The following SYNJ2 variants were observed in gnomAD, a reference collection of about 807,000 sequenced individuals.
SYNJ2 encodes the protein synaptojanin 2.
In SYNJ2, 116 loss-of-function variants were observed where a neutral mutation model predicts 141.3. The observed-to-expected ratio is 0.82, with a 90% CI of 0.71 to 0.96. The LOEUF is 0.96. Ranked by LOEUF, SYNJ2 falls within the 40% of genes least tolerant of loss-of-function variation. The pLI is 0.00. For missense variants in SYNJ2, 1,873 were observed against 1,934.8 expected (o/e 0.97, Z 0.60); for synonymous variants, 745 against 777.7 (o/e 0.96, Z 0.70).
At chr6:158,074,887 C>T in intron 16 of SYNJ2, 149 bp downstream of exon 16, 1 of 909,128 alleles carries the variant, frequency 1.1e-6, no homozygotes, top group Non-Finnish European at 1.6e-6. Context: ...TGTGAGGTTA[C>T]AGTACAGGAG....
intron 6 of SYNJ2, 105 bp downstream of exon 6, chr6:158,055,133 A>G (rs1045883994): frequency 4.2e-5 from 50 of 1,183,704 alleles, no homozygotes; most frequent in Middle Eastern, 5.5e-4. Context: ...AGGACCCTGA[A>G]CCCTGAATCT....
chr6:158,089,770 C>A, intron 24 of SYNJ2, 69 bp from the exon 25 acceptor site: 3 of 1,172,904 alleles, frequency 2.6e-6, no homozygotes, highest in South Asian at 1.3e-5. Context: ...CCACGGGTAG[C>A]AGATACGTCC....
rs548268520 is a variant in SYNJ2, at chr6:157,985,818, G to A, written c.127+3730G>A. ...GGGCTTTGCTGTGAACAGGCAGCAG[G>A]GAGGGAGGGATGGGGCAGGAGACTT... is the stretch of plus-strand genomic sequence containing the variant. On this transcript the variant is annotated intron_variant, in intron 1 of 26. Transcript: ENST00000355585. Among the ~76,000 whole-genome samples the A allele has an allele frequency of 2.0e-5, 3 of 152,316 alleles. No homozygotes were observed. The East Asian group carries it at 5.8e-4, about 29-fold the overall frequency.
rs976231114 is a variant in SYNJ2, at chr6:158,096,912, T to C, written c.*548T>C. The C allele has an allele frequency of 6.5e-6, 1 of 154,050 alleles. No homozygotes were observed. Among genetic ancestry groups the C allele is most frequent in the African/African-American group, 2.4e-5 (1 of 41,476 alleles). The allele number at this position is 154,050 out of a possible 1,614,324, so 9.5% of individuals were successfully genotyped here. On this transcript the variant is annotated 3_prime_UTR_variant, in exon 27 of 27. Coordinates refer to ENST00000355585, the MANE Select transcript of SYNJ2 (RefSeq NM_003898.4). ...AAATAGGTCAACCTAATGACTAGAC[T>C]GTACATTCCCATGAGCCTTCATGTT...
chr6:158,069,528 TC>T lies in SYNJ2; in HGVS notation c.1800-3del, dbSNP rs780480146. 2 of 1,610,814 alleles carry T rather than the reference TC, an allele frequency of 1.2e-6. No individual in the cohort carries two copies. The highest frequency in any genetic ancestry group is 2.2e-5 in the South Asian group (2 of 90,662). ...TAAACAGCATCCTTTCCTTTTCTCT[TC>T]CAGTACTACCAACAAGAAGATGTGG... On this transcript the variant is annotated splice_polypyrimidine_tract_variant and splice_region_variant and intron_variant, in intron 13 of 26. Transcript: ENST00000355585.
rs779711981 is a variant in SYNJ2 at position 158,064,807 on chromosome 6, C to A, written c.1360-19C>A. The A allele has an allele frequency of 1.9e-6, 3 of 1,608,892 alleles. No homozygotes were observed. The highest frequency in any genetic ancestry group is 1.1e-5 in the South Asian group (1 of 90,872). ...CCCCAGGGACCCCCCTCACGGCCTG[C>A]GGTCTGGGCTCTCGGCAGGTGGGGA... is the stretch of plus-strand genomic sequence containing the variant. On this transcript the variant is annotated intron_variant, in intron 10 of 26. Transcript: ENST00000355585.
At chr6:158,044,764 C>T (rs1780146226) in intron 5 of SYNJ2, among the ~76,000 whole-genome samples, 1 of 152,210 alleles carries the variant, frequency 6.6e-6, no homozygotes, top group African/African-American at 2.4e-5. Flanking sequence ...CTCCCATCCC[C>T]TCCAAGTCTC....
Position 157,993,710 on chromosome 6 carries a change from CTTTTTTTTTTTTT to C in SYNJ2, c.127+11635_127+11647del, listed in dbSNP as rs34971762. Among the ~76,000 whole-genome samples, 5 of 40,552 alleles carry C rather than the reference CTTTTTTTTTTTTT, an allele frequency of 1.2e-4. No homozygotes were observed. The South Asian group carries it at 3.8e-3, about 31-fold the overall frequency. 26.6% of individuals were successfully genotyped at this position (40,552 alleles called of 152,430 possible). ...AAACATAACTTTCATTCTTGCATAG[CTTTTTTTTTTTTT>C]TTTTTTTTTTTTAAGTAACCTGGAC... On this transcript the variant is annotated intron_variant, in intron 1 of 26. Coordinates refer to ENST00000355585, the MANE Select transcript of SYNJ2 (RefSeq NM_003898.4).
intron 23 of SYNJ2, 143 bp downstream of exon 23, chr6:158,087,132 G>A: frequency 1.0e-6 from 1 of 990,070 alleles, no homozygotes; most frequent in Non-Finnish European, 1.5e-6. Context: ...GCTCCGTTTT[G>A]TTGTAAATCC....
In SYNJ2 at chr6:158,043,491, C is replaced by T. The variant is rs2128344855; in HGVS notation, c.795+92C>T. ...TGGGGAAGATTTCTTTTAACACGTT[C>T]GTTTCATGGCATAGTTTCCAGTCTT... On this transcript the variant is annotated intron_variant, in intron 5 of 26. Coordinates refer to ENST00000355585, the MANE Select transcript of SYNJ2 (RefSeq NM_003898.4). The surrounding 1 kb of genome is among the most constrained non-coding windows in gnomAD (Gnocchi z 4.0). The T allele has an allele frequency of 5.7e-6, 5 of 883,712 alleles. No homozygotes were observed. The highest frequency in any genetic ancestry group is 4.5e-5 in the South Asian group (3 of 66,968). 54.7% of individuals were successfully genotyped at this position (883,712 alleles called of 1,614,324 possible).
rs1365433144 is a variant in SYNJ2 at position 158,047,792 on chromosome 6, A to C, written c.795+4393A>C. ...ACTCTGTCAAAAAAAAAAAAAAAAA[A>C]AAAAAAAAAAAAACACACAGTATCT... On this transcript the variant is annotated intron_variant, in intron 5 of 26. Coordinates refer to ENST00000355585, the MANE Select transcript of SYNJ2 (RefSeq NM_003898.4). Among the ~76,000 whole-genome samples, 335 of 149,350 alleles carry C rather than the reference A, an allele frequency of 2.2e-3. 3 individuals carry two copies. The highest frequency in any genetic ancestry group is 8.1e-3 in the African/African-American group (327 of 40,552).
At position 158,040,893 on chromosome 6, in the gene SYNJ2, A is replaced by G. The variant is rs759337867; in HGVS notation, c.712-2423A>G. 3.3e-5 allele frequency among the ~76,000 whole-genome samples: 5 copies of G among 152,074 alleles called. No individual in the cohort carries two copies. ...CTCCGACTTTTCTTCCCGTGGCCCC[A>G]CTGCTCTTCCCGGTCTCCCTCCCAC... is the stretch of plus-strand genomic sequence containing the variant. On this transcript the variant is annotated intron_variant, in intron 4 of 26. Transcript: ENST00000355585. The surrounding 1 kb of genome is among the most constrained non-coding windows in gnomAD (Gnocchi z 4.2).
intron 18 of SYNJ2, among the ~76,000 whole-genome samples, chr6:158,080,815 CT>C (rs1248476135): frequency 6.6e-6 from 1 of 152,216 alleles, no homozygotes; most frequent in African/African-American, 2.4e-5. Context: ...AGGTGCCACA[CT>C]TTATTTTCCC....
chr6:157,996,145 A>T (rs1428388397), intron 1 of SYNJ2, among the ~76,000 whole-genome samples: 1 of 152,068 alleles, frequency 6.6e-6, no homozygotes, highest in Non-Finnish European at 1.5e-5. Flanking sequence ...ACTTATTCTT[A>T]CCTTCATTCT....
rs761526022 is a variant in SYNJ2, at chr6:158,081,510, GGTACGCT to G, written c.2865+5_2865+11del. 1.2e-5 allele frequency: 20 copies of G among 1,606,200 alleles called. No individual in the cohort carries two copies. The highest frequency in any genetic ancestry group is 1.5e-5 in the Non-Finnish European group (18 of 1,175,534). The stretch of plus-strand genomic sequence containing the variant: ...GTGTCCTGGACGTGGACGGTATGAA[GGTACGCT>G]GTACTTGGCCACACTGTGGAGTGGG... On this transcript the variant is annotated splice_donor_variant and splice_donor_5th_base_variant and intron_variant, in intron 20 of 26. Transcript: ENST00000355585. LOFTEE classifies it high-confidence loss of function.
intron 21 of SYNJ2, 50 bp downstream of exon 21, chr6:158,083,647 G>T: frequency 1.2e-6 from 2 of 1,608,744 alleles, no homozygotes; most frequent in Non-Finnish European, 8.5e-7. Context: ...CTAGCAACAG[G>T]CCTGAGCTTT....
chr6:158,092,553 C>G (rs1230482882), intron 25 of SYNJ2, among the ~76,000 whole-genome samples: 1 of 152,106 alleles, frequency 6.6e-6, no homozygotes, highest in Non-Finnish European at 1.5e-5. Flanking sequence ...GGTAAGAAGA[C>G]TGCATGAGCC....
chr6:158,011,963 G>A (rs1269194901), intron 1 of SYNJ2, among the ~76,000 whole-genome samples: 1 of 152,108 alleles, frequency 6.6e-6, no homozygotes, highest in African/African-American at 2.4e-5. Flanking sequence ...ACTGAGATGG[G>A]GCACTGAGAA....
At chr6:158,020,731 C>T (rs1462026566) in intron 2 of SYNJ2, among the ~76,000 whole-genome samples, 2 of 152,250 alleles carry the variant, frequency 1.3e-5, no homozygotes, top group African/African-American at 2.4e-5. Flanking sequence ...TCAGTTGCCA[C>T]GAAGACAACC....
Sources: gnomAD v4.1 joint callset for allele counts (sites outside exome capture counted in the v4.1 genomes callset) on GRCh38, gnomAD v4.1.1 for gene constraint, Gnocchi (gnomAD v3.1) non-coding constraint, MANE v1.5 for transcripts, NCBI Gene and HGNC (gene_info 2026-07-23, HGNC 2026-07-21) for gene names.